Variants in TTC29 observed in about 807,000 individuals in gnomAD.
TTC29 encodes the protein tetratricopeptide repeat domain 29.
A neutral mutation model predicts 58.1 loss-of-function variants in TTC29; 49 were observed. That is an observed-to-expected ratio of 0.84 (90% confidence interval 0.67 to 1.07). The LOEUF is 1.07. Ranked by LOEUF, TTC29 falls within the 50% of genes least tolerant of loss-of-function variation. TTC29 has a pLI of 0.00. For synonymous variants in TTC29, 209 were observed against 196.8 expected (o/e 1.06, Z -0.52); for missense variants, 582 against 555.6 (o/e 1.05, Z -0.48).
chr4:146,815,332 C>T (rs904902088), intron 10 of TTC29, among the ~76,000 whole-genome samples: 4 of 151,872 alleles, frequency 2.6e-5, no homozygotes, highest in Admixed American at 1.3e-4. Flanking sequence ...AATATGGAGC[C>T]GGGGGAGAGG....
At chr4:146,779,761 T>C (rs1748446764) in intron 11 of TTC29, among the ~76,000 whole-genome samples, 1 of 152,162 alleles carries the variant, frequency 6.6e-6, no homozygotes, top group South Asian at 2.1e-4. Flanking sequence ...TCATTTTACT[T>C]CCTTTACATT....
chr4:146,737,810 CT>C (rs968244899), intron 11 of TTC29, among the ~76,000 whole-genome samples: 1 of 152,180 alleles, frequency 6.6e-6, no homozygotes, highest in Non-Finnish European at 1.5e-5. Context: ...GTTTTTCTTT[CT>C]TTTCCAAATC....
At chr4:146,885,423 T>C (rs574039377) in intron 6 of TTC29, among the ~76,000 whole-genome samples, 1 of 152,186 alleles carries the variant, frequency 6.6e-6, no homozygotes, top group South Asian at 2.1e-4. Flanking sequence ...TATATATCCA[T>C]GCATAATTTT....
intron 11 of TTC29, among the ~76,000 whole-genome samples, chr4:146,734,653 G>A (rs185452593): frequency 6.6e-6 from 1 of 152,164 alleles, no homozygotes; most frequent in Admixed American, 6.6e-5. Context: ...GGGACATCCA[G>A]CTGGTGTCTG....
intron 1 of TTC29, 114 bp from the exon 2 acceptor site, chr4:146,945,191 T>C (rs1164652189): frequency 6.6e-6 from 1 of 152,190 alleles, no homozygotes; most frequent in Non-Finnish European, 1.5e-5. Flanking sequence ...TTACAACAAA[T>C]ACTTCCTACC....
chr4:146,770,130 T>A (rs535620686), intron 11 of TTC29, among the ~76,000 whole-genome samples: 32 of 151,896 alleles, frequency 2.1e-4, no homozygotes, highest in African/African-American at 7.0e-4. Context: ...AAAAAAAAAA[T>A]TTCTGAATGA....
Position 146,707,202 on chromosome 4 carries a change from A to C in TTC29, c.1398-14T>G. On this transcript the variant is annotated splice_polypyrimidine_tract_variant and intron_variant, in intron 12 of 12. Coordinates refer to ENST00000325106, the MANE Select transcript of TTC29 (RefSeq NM_031956.4). ...TCACCTGGAAACCTGAAATAAAATA[A>C]ATTATAAATTTAACTTTTATACTGG... 6.8e-7 allele frequency: 1 copy of C among 1,469,860 alleles called. No individual in the cohort carries two copies. 91.1% of individuals were successfully genotyped at this position (1,469,860 alleles called of 1,614,324 possible).
intron 11 of TTC29, among the ~76,000 whole-genome samples, chr4:146,741,490 T>C (rs1189507932): frequency 1.3e-5 from 2 of 151,076 alleles, no homozygotes; most frequent in African/African-American, 4.8e-5. Context: ...AATTGTTCTT[T>C]TTTTTTTTTT....
At chr4:146,715,028 G>T (rs1170730108) in intron 11 of TTC29, among the ~76,000 whole-genome samples, 2 of 151,848 alleles carry the variant, frequency 1.3e-5, no homozygotes. Context: ...TGTAGAGATG[G>T]GATCTTGTTT....
At chr4:146,869,562 C>T (rs1019168169) in intron 7 of TTC29, among the ~76,000 whole-genome samples, 1 of 152,062 alleles carries the variant, frequency 6.6e-6, no homozygotes, top group Non-Finnish European at 1.5e-5. Context: ...AAGAACGAGG[C>T]TATGACAGGA....
At chr4:146,746,514 C>A (rs1745558336) in intron 11 of TTC29, among the ~76,000 whole-genome samples, 1 of 152,120 alleles carries the variant, frequency 6.6e-6, no homozygotes, top group Non-Finnish European at 1.5e-5. Context: ...TCATAATTTT[C>A]TGTTTAGTTT....
At chr4:146,731,193 G>A (rs1418220485) in intron 11 of TTC29, among the ~76,000 whole-genome samples, 2 of 152,140 alleles carry the variant, frequency 1.3e-5, no homozygotes. Context: ...AGATATCATA[G>A]TGATACCTTA....
rs1358307132 is a variant in TTC29, at chr4:146,803,518, G to T, written c.1269C>A (p.Ser423Arg). The T allele has an allele frequency of 1.6e-5, 25 of 1,601,412 alleles. No homozygotes were observed. The highest frequency in any genetic ancestry group is 2.1e-5 in the Non-Finnish European group (25 of 1,173,064). Residue 423 changes from serine (S) to arginine (R), a missense_variant, in exon 11 of 13, where the codon AGC becomes AGA. Transcript: ENST00000325106. ...NNYIESADLT[S>R]LNYLLSWKES... ...CCTTCCATGACAGCAGGTAGTTGAGGCTGGTGAGATCTGCAGACTCTATAT... is the reference window on the plus strand; with the variant it reads ...CCTTCCATGACAGCAGGTAGTTGAGTCTGGTGAGATCTGCAGACTCTATAT...
At chr4:146,807,517 A>C (rs1273903819) in intron 10 of TTC29, among the ~76,000 whole-genome samples, 1 of 152,198 alleles carries the variant, frequency 6.6e-6, no homozygotes, top group Non-Finnish European at 1.5e-5. Context: ...AAGAAAAGAG[A>C]GAAGAATCAA....
chr4:146,918,366 T>C (rs920651550), intron 4 of TTC29, among the ~76,000 whole-genome samples: 1 of 151,130 alleles, frequency 6.6e-6, no homozygotes, highest in African/African-American at 2.4e-5. Flanking sequence ...AATAAAAATA[T>C]CTAAAAATTT....
At chr4:146,708,340 A>ATATATATATATATATATACATG (rs1561046985) in intron 11 of TTC29, among the ~76,000 whole-genome samples, 23 of 40,468 alleles carry the variant, frequency 5.7e-4, no homozygotes, top group African/African-American at 1.4e-3. Flanking sequence ...ATATATATAT[A>ATATATATATATATATATACATG]TATATATATA....
chr4:146,788,827 TAAG>T (rs1357265734), intron 11 of TTC29, among the ~76,000 whole-genome samples: 3 of 152,122 alleles, frequency 2.0e-5, no homozygotes, highest in Non-Finnish European at 4.4e-5. Context: ...AAGTAAAACT[TAAG>T]AAACTTTTGG....
intron 11 of TTC29, among the ~76,000 whole-genome samples, chr4:146,723,891 G>C (rs911607844): frequency 6.6e-6 from 1 of 152,196 alleles, no homozygotes; most frequent in Non-Finnish European, 1.5e-5. Context: ...ATATCTAAAA[G>C]AATATAAATT....
At position 146,803,701 on chromosome 4, in the gene TTC29, A is replaced by G; in HGVS notation, c.1102-16T>C. The stretch of plus-strand genomic sequence containing the variant: ...TGTAGTATCCCTAAAAAGGTAAGAG[A>G]AATAATTTTCTTTCTTACTTTTAAT... On this transcript the variant is annotated splice_polypyrimidine_tract_variant and intron_variant, in intron 10 of 12. Coordinates refer to ENST00000325106, the MANE Select transcript of TTC29 (RefSeq NM_031956.4). 1 of 1,528,172 alleles carries G rather than the reference A, an allele frequency of 6.5e-7. No homozygotes were observed. Among genetic ancestry groups the G allele is most frequent in the Non-Finnish European group, 8.8e-7 (1 of 1,131,390 alleles). 94.7% of individuals were successfully genotyped at this position (1,528,172 alleles called of 1,614,324 possible). A position where few individuals can be genotyped will look rare whatever the true frequency, so the allele number is the denominator to read the frequency against.
Sources: gnomAD v4.1 joint callset for allele counts (sites outside exome capture counted in the v4.1 genomes callset) on GRCh38, gnomAD v4.1.1 for gene constraint, MANE v1.5 for transcripts, NCBI Gene and HGNC (gene_info 2026-07-23, HGNC 2026-07-21) for gene names.